The following VWA8 variants were observed in gnomAD, a reference collection of about 807,000 sequenced individuals.
VWA8 encodes von Willebrand factor A domain containing 8, also known as von Willebrand factor A domain-containing protein 8.
VWA8 carries 221 observed loss-of-function variants against 241.5 expected under a neutral mutation model. The ratio of observed to expected loss-of-function variants is 0.91; its 90% CI spans 0.82 to 1.02. VWA8 has a LOEUF of 1.02. VWA8 is among the 50% of genes least tolerant of loss of function. The pLI is 0.00. For missense variants in VWA8, 2,322 were observed against 2,328.7 expected (o/e 1.00, Z 0.06); for synonymous variants, 852 against 827.1 (o/e 1.03, Z -0.52).
chr13:41,699,664 T>C (rs1316915497), intron 28 of VWA8, among the ~76,000 whole-genome samples: 3 of 152,246 alleles, frequency 2.0e-5, no homozygotes, highest in Non-Finnish European at 4.4e-5. Context: ...CAATGTCTTC[T>C]ATCTGCTAAT....
At chr13:41,784,737 C>CACACATATATATAT (rs1191810226) in intron 18 of VWA8, among the ~76,000 whole-genome samples, 4 of 72,578 alleles carry the variant, frequency 5.5e-5, no homozygotes, top group African/African-American at 9.0e-5. Flanking sequence ...TATACACACA[C>CACACATATATATAT]ATATATATAT....
At chr13:41,713,434 T>C (rs1051729443) in intron 26 of VWA8, among the ~76,000 whole-genome samples, 4 of 152,202 alleles carry the variant, frequency 2.6e-5, no homozygotes, top group African/African-American at 9.6e-5. Flanking sequence ...TTGGCTATTA[T>C]GGTCTTAGAA....
In VWA8 at chr13:41,912,075, G is replaced by T. The variant is rs763105616; in HGVS notation, c.335C>A (p.Pro112His). The T allele has an allele frequency of 1.2e-6, 2 of 1,608,028 alleles. No individual in the cohort carries two copies. Among genetic ancestry groups the T allele is most frequent in the Non-Finnish European group, 1.7e-6 (2 of 1,176,380 alleles). The change falls in exon 3 of 45, where the codon CCT becomes CAT. Residue 112 changes from proline (P) to histidine (H), a missense_variant. Transcript: ENST00000379310. ...LGQDVFLIGP[P>H]GPLRRSIAMQ... The stretch of plus-strand genomic sequence containing the variant: ...AGCAATAGAGCGTCGAAGAGGCCCA[G>T]GAGGTCCTATTAGAAAAACATCTTG...
intron 26 of VWA8, among the ~76,000 whole-genome samples, chr13:41,716,661 T>G (rs1405314502): frequency 6.6e-6 from 1 of 152,104 alleles, no homozygotes; most frequent in Admixed American, 6.6e-5. Context: ...ATCATCTTGT[T>G]CTAGTTTCAG....
At chr13:41,720,165 G>A (rs1224326670) in intron 25 of VWA8, among the ~76,000 whole-genome samples, 3 of 152,062 alleles carry the variant, frequency 2.0e-5, no homozygotes, top group Non-Finnish European at 4.4e-5. Context: ...AAGAAGAAAA[G>A]ATAAAGCAAC....
At chr13:41,604,790 C>G (rs1350186489) in intron 40 of VWA8, among the ~76,000 whole-genome samples, 1 of 152,134 alleles carries the variant, frequency 6.6e-6, no homozygotes, top group Non-Finnish European at 1.5e-5. Context: ...TGCAAACTGA[C>G]CACAGAGCAC....
rs189208118 is a variant in VWA8 at position 41,883,722 on chromosome 13, G to A, written c.976-231C>T. On this transcript the variant is annotated intron_variant, in intron 8 of 44. Transcript: ENST00000379310. ...TTTCATTTATCTTCTATGTATTGAT[G>A]GCTCCCACACTTCTATGTCTGGTCT... Among the ~76,000 whole-genome samples, 49 of 152,128 alleles carry A rather than the reference G, an allele frequency of 3.2e-4. No homozygotes were observed. The East Asian group carries it at 8.3e-3, about 26-fold the overall frequency.
At chr13:41,851,275 C>T (rs1233587500) in intron 12 of VWA8, among the ~76,000 whole-genome samples, 1 of 152,198 alleles carries the variant, frequency 6.6e-6, no homozygotes, top group Non-Finnish European at 1.5e-5. Flanking sequence ...ATGAAAGACC[C>T]CACCAGATTC....
intron 14 of VWA8, among the ~76,000 whole-genome samples, chr13:41,827,305 T>C (rs1871218792): frequency 6.6e-6 from 1 of 152,210 alleles, no homozygotes. Flanking sequence ...AGTGTGCATG[T>C]GTAATGAGAC....
chr13:41,843,142 A>G lies in VWA8; in HGVS notation c.1426-9611T>C, dbSNP rs567799499. Among the ~76,000 whole-genome samples the G allele has an allele frequency of 2.0e-5, 3 of 152,358 alleles. No individual in the cohort carries two copies. In the East Asian group the frequency reaches 5.8e-4, roughly 29 times the overall value. On this transcript the variant is annotated intron_variant, in intron 12 of 44. Transcript: ENST00000379310. ...GTAAATCAACTTGTTAAAGATTGTA[A>G]AGAAAATGTTGACAACTAAGTACAT... is the stretch of plus-strand genomic sequence containing the variant.
intron 9 of VWA8, among the ~76,000 whole-genome samples, chr13:41,874,178 C>T (rs1284312882): frequency 0.026 from 3,991 of 150,686 alleles, 120 homozygotes; most frequent in African/African-American, 0.077. Context: ...ATTGATGGGA[C>T]GTATCTCAAA....
rs1220183349 is a variant in VWA8, at chr13:41,814,248, A to G, written c.1947+2450T>C. Among the ~76,000 whole-genome samples, 5 of 152,210 alleles carry G rather than the reference A, an allele frequency of 3.3e-5. No individual in the cohort carries two copies. In the South Asian group the frequency reaches 1.0e-3, roughly 31 times the overall value. The stretch of plus-strand genomic sequence containing the variant: ...CTCAAATAGCAACTGGGGAAATAAA[A>G]GTAAATTATAATACAACTGCAATAG... On this transcript the variant is annotated intron_variant, in intron 16 of 44. Transcript: ENST00000379310.
chr13:41,776,643 TG>T (rs1868608422), intron 20 of VWA8, among the ~76,000 whole-genome samples: 1 of 152,220 alleles, frequency 6.6e-6, no homozygotes, highest in African/African-American at 2.4e-5. Context: ...CTGAGCACTG[TG>T]TGAAGCACTT....
chr13:41,660,480 A>G (rs1306704686), intron 37 of VWA8, among the ~76,000 whole-genome samples: 1 of 152,168 alleles, frequency 6.6e-6, no homozygotes, highest in African/African-American at 2.4e-5. Context: ...CAGTGATTTC[A>G]CTACATTCTT....
intron 12 of VWA8, among the ~76,000 whole-genome samples, chr13:41,863,033 T>A (rs1873076398): frequency 6.6e-6 from 1 of 152,162 alleles, no homozygotes; most frequent in Non-Finnish European, 1.5e-5. Flanking sequence ...AAAGTATTGA[T>A]CCTGGGTGTG....
At chr13:41,959,327 C>T (rs1405752289) in intron 1 of VWA8, among the ~76,000 whole-genome samples, 1 of 151,734 alleles carries the variant, frequency 6.6e-6, no homozygotes, top group East Asian at 1.9e-4. Context: ...AAGTGGATTC[C>T]AACCCAAATT....
chr13:41,614,081 ACG>A (rs1402942047), intron 38 of VWA8, among the ~76,000 whole-genome samples: 2 of 152,220 alleles, frequency 1.3e-5, no homozygotes, highest in Admixed American at 1.3e-4. Context: ...TGTTGGCTTG[ACG>A]CTAACTTCCA....
At chr13:41,783,256 A>G (rs1337588763) in intron 19 of VWA8, among the ~76,000 whole-genome samples, 2 of 149,160 alleles carry the variant, frequency 1.3e-5, no homozygotes, top group Non-Finnish European at 3.0e-5. Context: ...CTTAATATAT[A>G]TAAAATTTAT....
intron 14 of VWA8, among the ~76,000 whole-genome samples, chr13:41,827,926 C>T (rs1289299723): frequency 6.6e-6 from 1 of 152,184 alleles, no homozygotes; most frequent in African/African-American, 2.4e-5. Context: ...AACTGCCAGG[C>T]AGGCATGCTG....
Sources: gnomAD v4.1 joint callset for allele counts (sites outside exome capture counted in the v4.1 genomes callset) on GRCh38, gnomAD v4.1.1 for gene constraint, MANE v1.5 for transcripts, NCBI Gene and HGNC (gene_info 2026-07-23, HGNC 2026-07-21) for gene names.